PCDHA9: variants seen among roughly 807,000 people sequenced by gnomAD.
PCDHA9 encodes protocadherin alpha 9, also known as protocadherin alpha-9.
Under a neutral mutation model 62.0 loss-of-function variants are expected in PCDHA9, and 62 were observed. The observed-to-expected ratio is 1.00, with a 90% CI of 0.81 to 1.23. The LOEUF (loss-of-function observed/expected upper bound fraction) is 1.23. Ranked by LOEUF, PCDHA9 falls within the 50% of genes most tolerant of loss-of-function variation. The probability of loss-of-function intolerance (pLI) is 0.00; values close to 1 mark genes in which losing one functional copy is unlikely to be tolerated. For synonymous variants in PCDHA9, 557 were observed against 567.6 expected (o/e 0.98, Z 0.27); for missense variants, 1,205 against 1,249.8 (o/e 0.96, Z 0.54).
chr5:141,006,726 A>G (rs2098284944), intron 3 of PCDHA9, among the ~76,000 whole-genome samples: 1 of 152,172 alleles, frequency 6.6e-6, no homozygotes, highest in African/African-American at 2.4e-5. Flanking sequence ...CAGAAATGAC[A>G]GGTCTTGATG....
chr5:140,974,751 G>A (rs530548991), intron 1 of PCDHA9, among the ~76,000 whole-genome samples: 11 of 152,284 alleles, frequency 7.2e-5, no homozygotes, highest in African/African-American at 2.4e-4. Flanking sequence ...GCCTCCCAAA[G>A]TGCTGGGATT....
At chr5:140,862,348 C>T (rs1404239338) in intron 1 of PCDHA9, 1 of 336,670 alleles carries the variant, frequency 3.0e-6, no homozygotes, top group Non-Finnish European at 5.9e-6. Context: ...ACTTCAGTGC[C>T]AAGGGACAGA....
rs1554262937 is a variant in PCDHA9 at position 141,010,412 on chromosome 5, G to A, written c.*475G>A. 2.5e-6 allele frequency: 3 copies of A among 1,201,296 alleles called. No homozygotes were observed. Among genetic ancestry groups the A allele is most frequent in the Non-Finnish European group, 3.4e-6 (3 of 885,080 alleles). 74.4% of individuals were successfully genotyped at this position (1,201,296 alleles called of 1,614,324 possible). On this transcript the variant is annotated 3_prime_UTR_variant, in exon 4 of 4. Coordinates refer to ENST00000532602, the MANE Select transcript of PCDHA9 (RefSeq NM_031857.2). ...GAGACGAGCCAGCTTAGACTAATTG[G>A]TACAAGGAAGGCAAGAAAACAAAGA...
intron 1 of PCDHA9, chr5:140,870,622 G>A (rs377101052): frequency 6.2e-7 from 1 of 1,613,120 alleles, no homozygotes; most frequent in Admixed American, 1.7e-5. Flanking sequence ...GTCGAGCTAC[G>A]TGTCGGTGCA....
At chr5:140,911,160 G>A (rs1226577638) in intron 1 of PCDHA9, among the ~76,000 whole-genome samples, 1 of 152,086 alleles carries the variant, frequency 6.6e-6, no homozygotes, top group African/African-American at 2.4e-5. Context: ...AGACAAATGT[G>A]GAAAGGCTGA....
intron 1 of PCDHA9, chr5:140,967,766 T>C: frequency 6.2e-7 from 1 of 1,614,218 alleles, no homozygotes; most frequent in Non-Finnish European, 8.5e-7. Flanking sequence ...CTACCAGATC[T>C]ATGTGCAGGC....
At chr5:140,966,396 C>T (rs770476013) in intron 1 of PCDHA9, 11 of 405,036 alleles carry the variant, frequency 2.7e-5, no homozygotes, top group Admixed American at 4.4e-5. Flanking sequence ...TCCGCCACTT[C>T]GGCGCGGAAT....
intron 3 of PCDHA9, among the ~76,000 whole-genome samples, chr5:140,990,932 G>A (rs1161440839): frequency 6.6e-6 from 1 of 152,154 alleles, no homozygotes; most frequent in African/African-American, 2.4e-5. Flanking sequence ...ATCCCATACT[G>A]TTGCCTCCTG....
At chr5:140,932,059 AT>A (rs2087988463) in intron 1 of PCDHA9, among the ~76,000 whole-genome samples, 1 of 151,936 alleles carries the variant, frequency 6.6e-6, no homozygotes, top group Non-Finnish European at 1.5e-5. Context: ...AATACTAAAA[AT>A]TATCAGTTTA....
At chr5:140,934,029 T>A (rs1267400545) in intron 1 of PCDHA9, among the ~76,000 whole-genome samples, 1 of 152,114 alleles carries the variant, frequency 6.6e-6, no homozygotes, top group Admixed American at 6.5e-5. Flanking sequence ...GGAAGTAGTT[T>A]ATTAATGATA....
chr5:140,917,797 C>T (rs1174581148), intron 1 of PCDHA9, among the ~76,000 whole-genome samples: 2 of 151,940 alleles, frequency 1.3e-5, no homozygotes, highest in African/African-American at 4.8e-5. Flanking sequence ...GTTACTGTAG[C>T]CTTGCAGTAT....
chr5:140,912,500 T>C (rs1554195386), intron 1 of PCDHA9, among the ~76,000 whole-genome samples: 1 of 152,204 alleles, frequency 6.6e-6, no homozygotes, highest in Non-Finnish European at 1.5e-5. Flanking sequence ...TAGGAGCTTT[T>C]TGGATGAATC....
rs1339313623 is a variant in PCDHA9 at position 140,848,736 on chromosome 5, A to G, written c.241A>G (p.Asn81Asp). ...GGACCTTCTGGAGGTAAATCTGCAG[A>G]ATGGCATTTTGTTTGTGAATTCTCG... is the stretch of plus-strand genomic sequence containing the variant. Reference protein sequence around the residue: ...RGDLLEVNLQNGILFVNSRID... With the variant: ...RGDLLEVNLQDGILFVNSRID... Residue 81 changes from asparagine to aspartate, a missense_variant, in exon 1 of 4, where the codon AAT becomes GAT. Asn to Asp is a conservative substitution (Grantham distance 23, BLOSUM62 1). Around this residue, in one of 3 missense-constraint regions of PCDHA9, gnomAD observed 208 missense variants for 213.2 expected, o/e 0.98. Transcript: ENST00000532602. 6.3e-7 allele frequency: 1 copy of G among 1,592,708 alleles called. No homozygotes were observed.
Position 141,012,278 on chromosome 5 carries a change from G to T in PCDHA9, c.*2341G>T, listed in dbSNP as rs545417237. ...CTGTAAGGATAAAACACGTCATGTG[G>T]ATTCATTTTGAATTGGTGCTATTGG... On this transcript the variant is annotated 3_prime_UTR_variant, in exon 4 of 4. Coordinates refer to ENST00000532602, the MANE Select transcript of PCDHA9 (RefSeq NM_031857.2). The T allele has an allele frequency of 6.5e-6, 1 of 153,848 alleles. No individual in the cohort carries two copies. The highest frequency in any genetic ancestry group is 2.1e-4 in the South Asian group (1 of 4,826). The allele number at this position is 153,848 out of a possible 1,614,324, so 9.5% of individuals were successfully genotyped here.
chr5:140,979,462 T>C (rs2096852361), intron 2 of PCDHA9, among the ~76,000 whole-genome samples: 1 of 152,304 alleles, frequency 6.6e-6, no homozygotes, highest in East Asian at 1.9e-4. Context: ...CAATAATTGA[T>C]TGCTATTGTT....
In PCDHA9 at chr5:141,010,177, C is replaced by T; in HGVS notation, c.*240C>T. 3 of 1,556,196 alleles carry T rather than the reference C, an allele frequency of 1.9e-6. No homozygotes were observed. The highest frequency in any genetic ancestry group is 1.7e-4 in the Middle Eastern group (1 of 6,000). On this transcript the variant is annotated 3_prime_UTR_variant, in exon 4 of 4. Coordinates refer to ENST00000532602, the MANE Select transcript of PCDHA9 (RefSeq NM_031857.2). ...TGGCTTGTTTTCAGAACCTAAAAAG[C>T]AGACCCAAGTTTCCTTTCTCCTCCG... is the stretch of plus-strand genomic sequence containing the variant.
At chr5:140,930,002 C>T (rs1304233576) in intron 1 of PCDHA9, 4 of 152,196 alleles carry the variant, frequency 2.6e-5, no homozygotes, top group African/African-American at 9.6e-5. Flanking sequence ...CACCCTAAAA[C>T]ATAGCTGATA....
intron 1 of PCDHA9, chr5:140,884,314 G>T: frequency 6.2e-7 from 1 of 1,613,760 alleles, no homozygotes. Context: ...CGTCGAGGGC[G>T]TCGGCAGGCG....
At chr5:140,942,434 T>C (rs2093297092) in intron 1 of PCDHA9, among the ~76,000 whole-genome samples, 1 of 151,244 alleles carries the variant, frequency 6.6e-6, no homozygotes, top group African/African-American at 2.4e-5. Flanking sequence ...TATCTAACAA[T>C]AAACAAGTAA....
Sources: allele counts gnomAD v4.1 joint callset (sites outside exome capture counted in the v4.1 genomes callset), GRCh38; gene constraint gnomAD v4.1.1; regional missense constraint gnomAD v4.1.1; transcripts MANE v1.5; gene names NCBI Gene and HGNC (gene_info 2026-07-23, HGNC 2026-07-21).